NFIX: variants seen among roughly 807,000 people sequenced by gnomAD.
NFIX encodes nuclear factor I X, also known as nuclear factor 1 X-type.
NFIX carries 2 observed loss-of-function variants against 53.3 expected under a neutral mutation model. The observed-to-expected ratio is 0.04, with a 90% CI of 0.02 to 0.12. The LOEUF (loss-of-function observed/expected upper bound fraction) is 0.12, where lower values mean the gene tolerates loss of function less well. Ranked by LOEUF, NFIX falls within the 10% of genes least tolerant of loss-of-function variation. NFIX has a pLI of 1.00. For synonymous variants in NFIX, 244 were observed against 289.0 expected, an observed-to-expected ratio of 0.84 and a Z score of 1.58; for missense variants, 310 against 674.5, an observed-to-expected ratio of 0.46 and a Z score of 5.99.
At position 13,040,685 on chromosome 19, in the gene NFIX, G is replaced by A. The variant is rs891217838; in HGVS notation, c.559+15133G>A. ...TCCTCCAGCTGGTACATGTGCTTGC[G>A]GCTCTGGTAGCTGGGTTTGGTTATT... On this transcript the variant is annotated intron_variant, in intron 2 of 10. Transcript: ENST00000592199. This position sits in a 1 kb window ranked among gnomAD's most constrained non-coding sequence, Gnocchi z 4.2. Among the ~76,000 whole-genome samples the A allele has an allele frequency of 1.3e-5, 2 of 152,122 alleles. No homozygotes were observed. The highest frequency in any genetic ancestry group is 2.9e-5 in the Non-Finnish European group (2 of 68,026).
Position 13,073,240 on chromosome 19 carries a change from C to A in NFIX, c.622+131C>A. On this transcript the variant is annotated intron_variant, in intron 3 of 10. Coordinates refer to ENST00000592199, the MANE Select transcript of NFIX (RefSeq NM_001365902.3). The surrounding 1 kb of genome is among the most constrained non-coding windows in gnomAD (Gnocchi z 4.5). Reference sequence around the variant, plus strand: ...CTGTCCCTTGACTGAGCTTAGCTTGCTGTCCTGAGGGGATGGGGGCACACC... The same window carrying A: ...CTGTCCCTTGACTGAGCTTAGCTTGATGTCCTGAGGGGATGGGGGCACACC... 1 of 1,035,378 alleles carries A rather than the reference C, an allele frequency of 9.7e-7. No homozygotes were observed. Among genetic ancestry groups the A allele is most frequent in the Non-Finnish European group, 1.5e-6 (1 of 657,664 alleles). The allele number at this position is 1,035,378 out of a possible 1,614,324, so 64.1% of individuals were successfully genotyped here. A position where few individuals can be genotyped will look rare whatever the true frequency, so the allele number is the denominator to read the frequency against.
chr19:13,019,050 G>A (rs2012820706), intron 1 of NFIX, among the ~76,000 whole-genome samples: 1 of 152,134 alleles, frequency 6.6e-6, no homozygotes, highest in African/African-American at 2.4e-5. Context: ...GATCAACATG[G>A]GCCCAAGTGT....
rs2012560333 is a variant in NFIX, at chr19:13,014,682, A to G, written c.28-10339A>G. On this transcript the variant is annotated intron_variant, in intron 1 of 10. Transcript: ENST00000592199. This position sits in a 1 kb window ranked among gnomAD's most constrained non-coding sequence, Gnocchi z 4.4. ...CAACCCTGTGCCCTTGATAGAAGAG[A>G]GAGCTGCCCACTTGGGCTGGGCCTG... Among the ~76,000 whole-genome samples the G allele has an allele frequency of 6.6e-6, 1 of 152,206 alleles. No individual in the cohort carries two copies. The highest frequency in any genetic ancestry group is 1.5e-5 in the Non-Finnish European group (1 of 68,044).
At chr19:13,015,138 A>AT (rs1436822995) in intron 1 of NFIX, among the ~76,000 whole-genome samples, 1 of 151,616 alleles carries the variant, frequency 6.6e-6, no homozygotes, top group Non-Finnish European at 1.5e-5. Flanking sequence ...TTTCCTTGTT[A>AT]TTTGGTCCTT....
rs1362834779 is a variant in NFIX, at chr19:13,005,624, G to A, written c.27+9760G>A. On this transcript the variant is annotated intron_variant, in intron 1 of 10. Coordinates refer to ENST00000592199, the MANE Select transcript of NFIX (RefSeq NM_001365902.3). This position sits in a 1 kb window ranked among gnomAD's most constrained non-coding sequence, Gnocchi z 4.7. ...CCAAGACTCAGTAGAGGTATCCAGT[G>A]CTAGGGTCAAGGGCGGGGAGCTCTT... Among the ~76,000 whole-genome samples the A allele has an allele frequency of 2.0e-5, 3 of 152,194 alleles. No homozygotes were observed. The highest frequency in any genetic ancestry group is 1.3e-4 in the Admixed American group (2 of 15,276).
chr19:13,043,560 G>T lies in NFIX; in HGVS notation c.559+18008G>T, dbSNP rs555968224. Reference sequence around the variant, plus strand: ...CAAGGCCCCTGGGGCTGCCAAGGTCGCACATGTCCTCCCAGGACTTGAAGG... The same window carrying T: ...CAAGGCCCCTGGGGCTGCCAAGGTCTCACATGTCCTCCCAGGACTTGAAGG... On this transcript the variant is annotated intron_variant, in intron 2 of 10. Transcript: ENST00000592199. This position sits in a 1 kb window ranked among gnomAD's most constrained non-coding sequence, Gnocchi z 4.0. Among the ~76,000 whole-genome samples the T allele has an allele frequency of 6.6e-6, 1 of 152,210 alleles. No homozygotes were observed. The highest frequency in any genetic ancestry group is 1.5e-5 in the Non-Finnish European group (1 of 68,030).
At chr19:13,080,586 C>T (rs2017397538) in intron 7 of NFIX, among the ~76,000 whole-genome samples, 1 of 152,076 alleles carries the variant, frequency 6.6e-6, no homozygotes, top group African/African-American at 2.4e-5. Context: ...TGCTTGTAAT[C>T]CCTGTACTTT....
rs1226755092 is a variant in NFIX, at chr19:13,052,168, T to C, written c.560-20879T>C. ...TTGTTAAAATGCAGATCCTGGGGCT[T>C]GTCCAAGTGGGTAGGTCTGGGCAGG... is the stretch of plus-strand genomic sequence containing the variant. On this transcript the variant is annotated intron_variant, in intron 2 of 10. Transcript: ENST00000592199. This position sits in a 1 kb window ranked among gnomAD's most constrained non-coding sequence, Gnocchi z 5.2. Among the ~76,000 whole-genome samples, 2 of 152,172 alleles carry C rather than the reference T, an allele frequency of 1.3e-5. No homozygotes were observed. The highest frequency in any genetic ancestry group is 2.9e-5 in the Non-Finnish European group (2 of 68,020).
Position 13,075,394 on chromosome 19 carries a change from G to A in NFIX, c.819-141G>A, listed in dbSNP as rs529864235. On this transcript the variant is annotated intron_variant, in intron 5 of 10. Coordinates refer to ENST00000592199, the MANE Select transcript of NFIX (RefSeq NM_001365902.3). ...GATCTTGGGGTTGGGCACGCAGTGA[G>A]TGCCCAGAAATGCTGCTGTCGGCCG... The A allele has an allele frequency of 2.2e-5, 19 of 875,002 alleles. No individual in the cohort carries two copies. The South Asian group carries it at 3.3e-4, about 15-fold the overall frequency. 54.2% of individuals were successfully genotyped at this position (875,002 alleles called of 1,614,324 possible). A position where few individuals can be genotyped will look rare whatever the true frequency, so the allele number is the denominator to read the frequency against.
In NFIX at chr19:13,068,296, T is replaced by G. The variant is rs2016558147; in HGVS notation, c.560-4751T>G. On this transcript the variant is annotated intron_variant, in intron 2 of 10. Coordinates refer to ENST00000592199, the MANE Select transcript of NFIX (RefSeq NM_001365902.3). This position sits in a 1 kb window ranked among gnomAD's most constrained non-coding sequence, Gnocchi z 4.2. ...AAGGAAGAGGGGGGTGCTGAAGAGG[T>G]GAGGGGGAGGCAAAGGAAGGACAGA... is the stretch of plus-strand genomic sequence containing the variant. 1.4e-5 allele frequency among the ~76,000 whole-genome samples: 2 copies of G among 145,414 alleles called. No homozygotes were observed. Among genetic ancestry groups the G allele is most frequent in the African/African-American group, 2.6e-5 (1 of 38,890 alleles).
intron 8 of NFIX, among the ~76,000 whole-genome samples, chr19:13,086,417 G>T (rs2017783099): frequency 6.6e-6 from 1 of 152,204 alleles, no homozygotes; most frequent in Non-Finnish European, 1.5e-5. Flanking sequence ...GCCAGTTGCA[G>T]CTGGGTGACT....
In NFIX at chr19:13,013,813, C is replaced by A. The variant is rs1253088602; in HGVS notation, c.28-11208C>A. On this transcript the variant is annotated intron_variant, in intron 1 of 10. Transcript: ENST00000592199. This position sits in a 1 kb window ranked among gnomAD's most constrained non-coding sequence, Gnocchi z 5.9. ...CTCGCCTGTCCCGCGACTGAGCTTG[C>A]GGTCGCCCCGATTCTCTAGTAGACC... The A allele has an allele frequency of 6.6e-6, 1 of 152,152 alleles. No homozygotes were observed. Among genetic ancestry groups the A allele is most frequent in the Non-Finnish European group, 1.5e-5 (1 of 68,034 alleles). The allele number at this position is 152,152 out of a possible 1,614,324, so 9.4% of individuals were successfully genotyped here.
At chr19:13,010,621 C>T (rs1212564121) in intron 1 of NFIX, among the ~76,000 whole-genome samples, 3 of 152,254 alleles carry the variant, frequency 2.0e-5, no homozygotes, top group Non-Finnish European at 2.9e-5. Context: ...GCTTTCCCTC[C>T]GATGGAGCTT....
In NFIX at chr19:13,037,123, G is replaced by A. The variant is rs143837648; in HGVS notation, c.559+11571G>A. ...AACGGGAAGCAAGGCAGTAGACTCC[G>A]TTTCCTTTCATCTTTAGGGGGTCTC... On this transcript the variant is annotated intron_variant, in intron 2 of 10. Transcript: ENST00000592199. This position sits in a 1 kb window ranked among gnomAD's most constrained non-coding sequence, Gnocchi z 4.2. 4.6e-5 allele frequency among the ~76,000 whole-genome samples: 7 copies of A among 152,254 alleles called. No homozygotes were observed. The highest frequency in any genetic ancestry group is 2.1e-4 in the South Asian group (1 of 4,826).
chr19:13,098,688 C>A lies in NFIX; in HGVS notation c.*4039C>A. On this transcript the variant is annotated 3_prime_UTR_variant, in exon 11 of 11. Coordinates refer to ENST00000592199, the MANE Select transcript of NFIX (RefSeq NM_001365902.3). ...TCCCTCTCCGCCCCGCCCCGCCCCG[C>A]CCCCGTCACTGCGCTTCTGTTATAC... 1 of 153,364 alleles carries A rather than the reference C, an allele frequency of 6.5e-6. No individual in the cohort carries two copies. Among genetic ancestry groups the A allele is most frequent in the Non-Finnish European group, 1.5e-5 (1 of 68,416 alleles). 9.5% of individuals were successfully genotyped at this position (153,364 alleles called of 1,614,324 possible). A position where few individuals can be genotyped will look rare whatever the true frequency, so the allele number is the denominator to read the frequency against.
chr19:13,094,136 C>T lies in NFIX; in HGVS notation c.1495-499C>T, dbSNP rs749448262. Among the ~76,000 whole-genome samples, 11 of 152,200 alleles carry T rather than the reference C, an allele frequency of 7.2e-5. No homozygotes were observed. Among genetic ancestry groups the T allele is most frequent in the East Asian group, 1.9e-4 (1 of 5,198 alleles). On this transcript the variant is annotated intron_variant, in intron 10 of 10. Coordinates refer to ENST00000592199, the MANE Select transcript of NFIX (RefSeq NM_001365902.3). The surrounding 1 kb of genome is among the most constrained non-coding windows in gnomAD (Gnocchi z 4.3). ...GGTTCCCCTGCCCCCAGTCTTTCAG[C>T]CTGTGGGACCTTGGCTGGGGTATAT...
chr19:13,031,893 T>A (rs1358555012), intron 2 of NFIX, among the ~76,000 whole-genome samples: 2 of 152,288 alleles, frequency 1.3e-5, no homozygotes, highest in African/African-American at 4.8e-5. Context: ...AGGGGACAGC[T>A]GAGTGTCCCC....
Position 13,094,592 on chromosome 19 carries a change from C to T in NFIX, c.1495-43C>T, listed in dbSNP as rs374011004. 1.4e-5 allele frequency: 22 copies of T among 1,534,060 alleles called. No homozygotes were observed. The African/African-American group carries it at 2.7e-4, about 19-fold the overall frequency. The stretch of plus-strand genomic sequence containing the variant: ...CCAGGTAGGAGTGAGATGGGACCTG[C>T]CCCAGCTGTTCTCAGTATCGCCTCT... On this transcript the variant is annotated intron_variant, in intron 10 of 10. Coordinates refer to ENST00000592199, the MANE Select transcript of NFIX (RefSeq NM_001365902.3). This position sits in a 1 kb window ranked among gnomAD's most constrained non-coding sequence, Gnocchi z 4.3.
Position 12,996,278 on chromosome 19 carries a change from G to C in NFIX, c.27+414G>C, listed in dbSNP as rs1267259042. Among the ~76,000 whole-genome samples, 1 of 152,052 alleles carries C rather than the reference G, an allele frequency of 6.6e-6. No individual in the cohort carries two copies. ...GCTGGCAGTGTTTGCGGGGTTGACA[G>C]AGTGGCAAGAGGGTGGTCCCGAGGG... is the stretch of plus-strand genomic sequence containing the variant. On this transcript the variant is annotated intron_variant, in intron 1 of 10. Coordinates refer to ENST00000592199, the MANE Select transcript of NFIX (RefSeq NM_001365902.3). This position sits in a 1 kb window ranked among gnomAD's most constrained non-coding sequence, Gnocchi z 5.2.
Sources: gnomAD v4.1 joint callset for allele counts (sites outside exome capture counted in the v4.1 genomes callset) on GRCh38, gnomAD v4.1.1 for gene constraint, Gnocchi (gnomAD v3.1) non-coding constraint, MANE v1.5 for transcripts, NCBI Gene and HGNC (gene_info 2026-07-23, HGNC 2026-07-21) for gene names.